NTM: variants seen among roughly 807,000 people sequenced by gnomAD.
NTM encodes the protein neurotrimin.
Under a neutral mutation model 42.1 loss-of-function variants are expected in NTM, and 13 were observed. That is an observed-to-expected ratio of 0.31 (90% CI 0.20 to 0.49). The LOEUF is 0.49. NTM is among the 20% of genes least tolerant of loss of function. NTM has a pLI of 0.99. For synonymous variants in NTM, 187 were observed against 179.2 expected (o/e 1.04, Z -0.35); for missense variants, 373 against 452.8 (o/e 0.82, Z 1.60).
chr11:132,302,445 T>C (rs1800924782), intron 4 of NTM, among the ~76,000 whole-genome samples: 1 of 152,208 alleles, frequency 6.6e-6, no homozygotes, highest in South Asian at 2.1e-4. Context: ...GGAAATACAA[T>C]GATCATGCTA....
chr11:132,118,534 C>T lies in NTM; in HGVS notation c.168-27748C>T, dbSNP rs747234282. Among the ~76,000 whole-genome samples the T allele has an allele frequency of 5.3e-5, 8 of 152,316 alleles. No homozygotes were observed. The South Asian group carries it at 6.2e-4, about 12-fold the overall frequency. ...AATGGCAGAGAGAAGAAAGAAACCT[C>T]GGAACACGGGCTTCCTCTCCAAGGA... On this transcript the variant is annotated intron_variant, in intron 2 of 8. Transcript: ENST00000683400.
chr11:131,701,944 G>A (rs1565444942), intron 1 of NTM, among the ~76,000 whole-genome samples: 1 of 152,166 alleles, frequency 6.6e-6, no homozygotes, highest in Non-Finnish European at 1.5e-5. Context: ...AACCAAACAT[G>A]GGCCCTTCTG....
chr11:131,921,188 G>A (rs1365965770), intron 2 of NTM, among the ~76,000 whole-genome samples: 1 of 152,150 alleles, frequency 6.6e-6, no homozygotes, highest in Non-Finnish European at 1.5e-5. Flanking sequence ...AGCTTACAAT[G>A]TGACTTTATT....
chr11:131,448,889 C>T (rs766168382), intron 1 of NTM, among the ~76,000 whole-genome samples: 13 of 152,184 alleles, frequency 8.5e-5, no homozygotes, highest in Non-Finnish European at 1.6e-4. Context: ...TGGTCTAAGT[C>T]ATTTTGGGGA....
At chr11:131,500,579 T>TACATATATATATATATATATATA (rs2046666194) in intron 1 of NTM, among the ~76,000 whole-genome samples, 1 of 12,950 alleles carries the variant, frequency 7.7e-5, no homozygotes, top group Non-Finnish European at 1.6e-4. Flanking sequence ...ATATATATAT[T>TACATATATATATATATATATATA]TTTTTTTTTT....
chr11:132,077,575 G>A (rs1464438805), intron 2 of NTM, among the ~76,000 whole-genome samples: 1 of 152,154 alleles, frequency 6.6e-6, no homozygotes, highest in Non-Finnish European at 1.5e-5. Flanking sequence ...AAGAGGAAGT[G>A]GAGACTCAGA....
chr11:131,545,547 T>G (rs1202415900), intron 1 of NTM, among the ~76,000 whole-genome samples: 1 of 152,232 alleles, frequency 6.6e-6, no homozygotes, highest in Non-Finnish European at 1.5e-5. Context: ...AGCATCAGTC[T>G]TCTTGACATC....
chr11:132,217,944 G>C (rs1211633612), intron 4 of NTM, among the ~76,000 whole-genome samples: 1 of 151,994 alleles, frequency 6.6e-6, no homozygotes, highest in Non-Finnish European at 1.5e-5. Flanking sequence ...TCCTAGCCAA[G>C]CAGGACACTA....
At chr11:132,181,601 G>A (rs933637572) in intron 3 of NTM, among the ~76,000 whole-genome samples, 1 of 152,184 alleles carries the variant, frequency 6.6e-6, no homozygotes, top group African/African-American at 2.4e-5. Flanking sequence ...AATTGACAGA[G>A]GTTTGATTCA....
At position 132,107,666 on chromosome 11, in the gene NTM, G is replaced by A. The variant is rs1480248773; in HGVS notation, c.168-38616G>A. 2.6e-5 allele frequency among the ~76,000 whole-genome samples: 4 copies of A among 152,046 alleles called. No homozygotes were observed. The East Asian group carries it at 7.7e-4, about 29-fold the overall frequency. On this transcript the variant is annotated intron_variant, in intron 2 of 8. Transcript: ENST00000683400. ...ATTACTGACATGAGCCACTGTGCCT[G>A]ACTTTTACTTTTTTTGAATGAGTTA...
intron 1 of NTM, among the ~76,000 whole-genome samples, chr11:131,500,567 ATATATATATAT>A (rs2046633602): frequency 3.7e-5 from 1 of 27,102 alleles, no homozygotes; most frequent in African/African-American, 2.8e-4. Flanking sequence ...ATATATATAT[ATATATATATAT>A]TTTTTTTTTT....
chr11:132,221,882 T>A (rs1216576706), intron 4 of NTM, among the ~76,000 whole-genome samples: 1 of 152,176 alleles, frequency 6.6e-6, no homozygotes, highest in East Asian at 1.9e-4. Flanking sequence ...ACTTTTTGAC[T>A]CCAAAATCCA....
At chr11:131,652,510 T>C (rs2066628453) in intron 1 of NTM, among the ~76,000 whole-genome samples, 2 of 152,224 alleles carry the variant, frequency 1.3e-5, no homozygotes, top group Admixed American at 6.5e-5. Context: ...TCTCCTGACA[T>C]GCTCAACTCA....
rs1005360542 is a variant in NTM at position 132,315,487 on chromosome 11, C to T, written c.934+784C>T. ...TTCCGGTTGTGTTTTGGGCAAATTC[C>T]TTCATACCCCATCAAGTTCTTTGAG... On this transcript the variant is annotated intron_variant, in intron 7 of 8. Transcript: ENST00000683400. 2.0e-5 allele frequency among the ~76,000 whole-genome samples: 3 copies of T among 152,284 alleles called. No individual in the cohort carries two copies. The East Asian group carries it at 5.8e-4, about 29-fold the overall frequency.
intron 1 of NTM, chr11:131,795,620 G>GT (rs1420239971): frequency 7.1e-6 from 7 of 985,288 alleles, no homozygotes; most frequent in Non-Finnish European, 8.4e-6. Flanking sequence ...GGAGACCCTT[G>GT]TAGGAGCTTG....
At chr11:131,953,333 G>GT (rs2061223396) in intron 2 of NTM, among the ~76,000 whole-genome samples, 1 of 152,008 alleles carries the variant, frequency 6.6e-6, no homozygotes, top group African/African-American at 2.4e-5. Context: ...TATCCTCCTG[G>GT]TTACAAGGGG....
At chr11:131,897,286 A>G (rs540573482) in intron 1 of NTM, among the ~76,000 whole-genome samples, 30 of 152,286 alleles carry the variant, frequency 2.0e-4, no homozygotes, top group East Asian at 9.7e-4. Context: ...GAGGGGAAAG[A>G]AAAAAAGCAA....
At chr11:131,887,071 C>G (rs191153229) in intron 1 of NTM, among the ~76,000 whole-genome samples, 179 of 152,300 alleles carry the variant, frequency 1.2e-3, no homozygotes, top group Non-Finnish European at 2.3e-3. Context: ...TAACGTACAG[C>G]ATGATGACTA....
At position 131,598,834 on chromosome 11, in the gene NTM, T is replaced by C. The variant is rs1248986376; in HGVS notation, c.82+227946T>C. Among the ~76,000 whole-genome samples the C allele has an allele frequency of 2.6e-3, 82 of 31,598 alleles. 7 individuals carry two copies. The highest frequency in any genetic ancestry group is 6.4e-3 in the African/African-American group (50 of 7,808). 20.7% of individuals were successfully genotyped at this position (31,598 alleles called of 152,430 possible). A position where few individuals can be genotyped will look rare whatever the true frequency, so the allele number is the denominator to read the frequency against. On this transcript the variant is annotated intron_variant, in intron 1 of 8. Coordinates refer to ENST00000683400, the MANE Select transcript of NTM (RefSeq NM_001352005.2). ...TTCTTCTTTCTTTCTTTCTTCTTTC[T>C]TTCTTTCTTTCTTTCTTCCTTCCTT...
Sources: allele counts gnomAD v4.1 joint callset (sites outside exome capture counted in the v4.1 genomes callset), GRCh38; gene constraint gnomAD v4.1.1; transcripts MANE v1.5; gene names NCBI Gene and HGNC (gene_info 2026-07-23, HGNC 2026-07-21).